The following ABAT variants were observed in gnomAD, a reference collection of about 807,000 sequenced individuals.
The protein encoded by ABAT is 4-aminobutyrate aminotransferase.
In ABAT, 45 loss-of-function variants were observed where a neutral mutation model predicts 64.6. That is an observed-to-expected ratio of 0.70 (90% CI 0.55 to 0.89). The LOEUF (loss-of-function observed/expected upper bound fraction) is 0.89, where lower values mean the gene tolerates loss of function less well. Among genes scored for constraint, ABAT ranks in the 40% least tolerant of loss-of-function variants. The pLI is 0.00. For synonymous variants in ABAT, 297 were observed against 250.5 expected (o/e 1.19, Z -1.75); for missense variants, 633 against 658.4 (o/e 0.96, Z 0.42).
intron 1 of ABAT, among the ~76,000 whole-genome samples, chr16:8,680,654 C>T (rs1448496628): frequency 6.6e-6 from 1 of 152,304 alleles, no homozygotes; most frequent in African/African-American, 2.4e-5. Flanking sequence ...TCTTGAACTA[C>T]TGACCTCAAG....
At chr16:8,775,368 A>G (rs1306294600) in intron 13 of ABAT, among the ~76,000 whole-genome samples, 5 of 152,206 alleles carry the variant, frequency 3.3e-5, no homozygotes, top group Admixed American at 3.3e-4. Context: ...TATTTCTCAT[A>G]TACTTTTAAT....
intron 6 of ABAT, among the ~76,000 whole-genome samples, chr16:8,761,580 CT>C (rs1318306073): frequency 1.4e-4 from 22 of 152,328 alleles, no homozygotes; most frequent in African/African-American, 5.3e-4. Context: ...TTGGGTTGTT[CT>C]GCAGAGGAAC....
At chr16:8,694,669 C>T (rs2141991615) in intron 1 of ABAT, among the ~76,000 whole-genome samples, 1 of 152,306 alleles carries the variant, frequency 6.6e-6, no homozygotes, top group African/African-American at 2.4e-5. Context: ...TGAGCCACCG[C>T]ACCTGGGGCC....
chr16:8,770,928 C>G (rs1180154350), intron 11 of ABAT, among the ~76,000 whole-genome samples: 1 of 151,970 alleles, frequency 6.6e-6, no homozygotes, highest in Non-Finnish European at 1.5e-5. Flanking sequence ...TCTAAACAAA[C>G]TAAGATAGTC....
In ABAT at chr16:8,772,851, G is replaced by A. The variant is rs1379134544; in HGVS notation, c.888G>A (p.Gln296=). 1.2e-6 allele frequency: 2 copies of A among 1,614,138 alleles called. No individual in the cohort carries two copies. Among genetic ancestry groups the A allele is most frequent in the East Asian group, 2.2e-5 (1 of 44,880 alleles). The part of the protein sequence containing the change: ...TVAGIIVEPI[Q]SEGGDNHASD... ...CCGGGATCATCGTGGAGCCCATCCA[G>A]TCCGAGGGTGGAGACAACCACGCAT... Residue 296 remains glutamine (Q), a synonymous_variant, in exon 12 of 16, where the codon CAG becomes CAA. Coordinates refer to ENST00000268251, the MANE Select transcript of ABAT (RefSeq NM_020686.6).
intron 1 of ABAT, chr16:8,722,876 A>C (rs946568889): frequency 1.6e-4 from 207 of 1,288,370 alleles, no homozygotes; most frequent in Middle Eastern, 2.1e-4. Context: ...TGCTGTGGCA[A>C]ATTCTCAGTA....
At chr16:8,717,182 C>G (rs150963094) in intron 1 of ABAT, among the ~76,000 whole-genome samples, 21 of 152,062 alleles carry the variant, frequency 1.4e-4, no homozygotes, top group African/African-American at 5.1e-4. Flanking sequence ...CCCAGCTACT[C>G]GGGAGGCTGA....
At chr16:8,710,211 T>C (rs1192839331) in intron 1 of ABAT, among the ~76,000 whole-genome samples, 1 of 152,188 alleles carries the variant, frequency 6.6e-6, no homozygotes, top group Non-Finnish European at 1.5e-5. Flanking sequence ...ACATGGAAAG[T>C]ACTTAGCTCA....
chr16:8,729,654 T>TA (rs1246472695), intron 1 of ABAT, among the ~76,000 whole-genome samples: 1 of 151,830 alleles, frequency 6.6e-6, no homozygotes, highest in Non-Finnish European at 1.5e-5. Flanking sequence ...CCCCTGTCTC[T>TA]AAAAAATATA....
intron 12 of ABAT, among the ~76,000 whole-genome samples, chr16:8,773,677 A>C (rs2060186631): frequency 6.6e-6 from 1 of 152,162 alleles, no homozygotes; most frequent in Admixed American, 6.6e-5. Context: ...GTACTTTTGT[A>C]TCCATTAACC....
chr16:8,735,545 C>A lies in ABAT; in HGVS notation c.-41-154C>A, dbSNP rs113688164. On this transcript the variant is annotated intron_variant, in intron 1 of 15. Transcript: ENST00000268251. ...ACAGGTGTGAGCCACCTTGCCTGGC[C>A]TAATATATAAAGTCCATGTTCAGTA... Among the ~76,000 whole-genome samples the A allele has an allele frequency of 8.3e-3, 1,267 of 152,274 alleles. 18 individuals carry two copies. The highest frequency in any genetic ancestry group is 0.014 in the Middle Eastern group (4 of 294).
At chr16:8,761,647 C>T (rs137969534) in intron 6 of ABAT, among the ~76,000 whole-genome samples, 41 of 152,324 alleles carry the variant, frequency 2.7e-4, no homozygotes, top group African/African-American at 9.4e-4. Context: ...GAGGTGGCAG[C>T]TGACCTCCAC....
intron 2 of ABAT, among the ~76,000 whole-genome samples, chr16:8,742,027 T>C (rs2059174584): frequency 6.6e-6 from 1 of 152,208 alleles, no homozygotes; most frequent in African/African-American, 2.4e-5. Flanking sequence ...GATAGCGCAG[T>C]TGCAAACAAA....
At chr16:8,732,278 T>C (rs1416548008) in intron 1 of ABAT, among the ~76,000 whole-genome samples, 1 of 147,058 alleles carries the variant, frequency 6.8e-6, no homozygotes, top group African/African-American at 2.7e-5. Flanking sequence ...GAGGGGGATT[T>C]GGCAGGGTCA....
At chr16:8,726,864 T>C (rs774195182) in intron 1 of ABAT, among the ~76,000 whole-genome samples, 44 of 152,232 alleles carry the variant, frequency 2.9e-4, no homozygotes, top group Admixed American at 4.6e-4. Context: ...TTATTGCCTG[T>C]CTTTTGGATA....
At chr16:8,757,248 A>T in intron 5 of ABAT, 1 of 437,164 alleles carries the variant, frequency 2.3e-6, no homozygotes, top group Non-Finnish European at 4.5e-6. Flanking sequence ...ACTCAATGCA[A>T]CCTCCGCCTC....
intron 1 of ABAT, among the ~76,000 whole-genome samples, chr16:8,732,202 TTTTTTTGTTTGTTTG>T (rs1371375418): frequency 1.0e-4 from 2 of 19,506 alleles, no homozygotes; most frequent in Non-Finnish European, 1.6e-4. Flanking sequence ...TTTTGTTTTT[TTTTTTTGTTTGTTTG>T]TTTTTTTAAT....
chr16:8,735,765 G>A lies in ABAT; in HGVS notation c.26G>A (p.Arg9His), dbSNP rs531783337. The A allele has an allele frequency of 2.2e-4, 355 of 1,607,346 alleles. 2 individuals carry two copies. Among genetic ancestry groups the A allele is most frequent in the South Asian group, 1.4e-3 (128 of 89,476 alleles). MASMLLAQRLACSFQHSYR... is the reference protein window; with the variant it reads MASMLLAQHLACSFQHSYR... ...ATGGCCTCCATGTTGCTCGCCCAGCGCCTGGCCTGCAGCTTCCAGCACAGC... is the reference window on the plus strand; with the variant it reads ...ATGGCCTCCATGTTGCTCGCCCAGCACCTGGCCTGCAGCTTCCAGCACAGC... The change falls in exon 2 of 16, where the codon CGC (arginine) becomes CAC (histidine). Residue 9 changes from arginine (R) to histidine (H), a missense_variant. Coordinates refer to ENST00000268251, the MANE Select transcript of ABAT (RefSeq NM_020686.6).
At chr16:8,749,066 T>G (rs1157180864) in intron 4 of ABAT, among the ~76,000 whole-genome samples, 3 of 152,040 alleles carry the variant, frequency 2.0e-5, no homozygotes, top group Admixed American at 2.0e-4. Context: ...CTATATGTCT[T>G]CTGTCTTTTG....
Sources: allele counts gnomAD v4.1 joint callset (sites outside exome capture counted in the v4.1 genomes callset), GRCh38; gene constraint gnomAD v4.1.1; transcripts MANE v1.5; gene names NCBI Gene and HGNC (gene_info 2026-07-23, HGNC 2026-07-21).